KITLG: variants seen among roughly 807,000 people sequenced by gnomAD.
KITLG encodes c-Kit ligand.
In KITLG, 13 loss-of-function variants were observed where a neutral mutation model predicts 34.1. That is an observed-to-expected ratio of 0.38 (90% CI 0.25 to 0.61). The LOEUF is 0.61. Ranked by LOEUF, KITLG falls within the 20% of genes least tolerant of loss-of-function variation. The probability of loss-of-function intolerance (pLI) is 0.60; values close to 1 mark genes in which losing one functional copy is unlikely to be tolerated. For missense variants in KITLG, 292 were observed against 318.9 expected (o/e 0.92, Z 0.64); for synonymous variants, 110 against 104.0 (o/e 1.06, Z -0.35).
At chr12:88,538,179 G>T (rs1025018584) in intron 2 of KITLG, among the ~76,000 whole-genome samples, 2 of 152,094 alleles carry the variant, frequency 1.3e-5, no homozygotes, top group Admixed American at 6.6e-5. Flanking sequence ...AGGGTCTTAT[G>T]CAAAGGCAAA....
chr12:88,566,027 T>C (rs1295092641), intron 1 of KITLG, among the ~76,000 whole-genome samples: 2 of 152,246 alleles, frequency 1.3e-5, no homozygotes, highest in Non-Finnish European at 2.9e-5. Flanking sequence ...GCCTATTGTG[T>C]CATTTCCTTA....
intron 6 of KITLG, among the ~76,000 whole-genome samples, chr12:88,508,113 G>A (rs925688150): frequency 3.9e-5 from 6 of 151,960 alleles, no homozygotes; most frequent in African/African-American, 4.8e-5. Flanking sequence ...CATGAACCCG[G>A]GAGGCGGAAG....
At chr12:88,514,513 C>T (rs1226944474) in intron 6 of KITLG, among the ~76,000 whole-genome samples, 1 of 151,560 alleles carries the variant, frequency 6.6e-6, no homozygotes, top group Non-Finnish European at 1.5e-5. Context: ...AAGATTCTGT[C>T]CTGCACATAA....
rs1471317597 is a variant in KITLG, at chr12:88,506,200, G to A, written c.782+111C>T. ...GGATAGAGTTGGGACTCACTGGTTA[G>A]GAGCTACTGTCATGAGTGAAGGACT... On this transcript the variant is annotated intron_variant, in intron 8 of 9. Transcript: ENST00000644744. 11 of 780,156 alleles carry A rather than the reference G, an allele frequency of 1.4e-5. No individual in the cohort carries two copies. In the Admixed American group the frequency reaches 1.8e-4, roughly 13 times the overall value. 48.3% of individuals were successfully genotyped at this position (780,156 alleles called of 1,614,324 possible).
In KITLG at chr12:88,520,540, C is replaced by CT. The variant is rs372238309; in HGVS notation, c.193-1674dup. Among the ~76,000 whole-genome samples the CT allele has an allele frequency of 4.8e-3, 727 of 152,294 alleles. 7 individuals are homozygous for CT. The highest frequency in any genetic ancestry group is 0.017 in the African/African-American group (707 of 41,564). Reference sequence around the variant, plus strand: ...TTCCAGGTATTAATCTCTTAGGACTCTATTTCCTCACTTTATGAGTATGCT... The same window carrying CT: ...TTCCAGGTATTAATCTCTTAGGACTCTTATTTCCTCACTTTATGAGTATGCT... On this transcript the variant is annotated intron_variant, in intron 3 of 9. Transcript: ENST00000644744.
At chr12:88,567,760 C>T (rs1278494436) in intron 1 of KITLG, among the ~76,000 whole-genome samples, 1 of 152,142 alleles carries the variant, frequency 6.6e-6, no homozygotes, top group Non-Finnish European at 1.5e-5. Context: ...TCCTAATGCC[C>T]TTCTTATGCA....
intron 9 of KITLG, among the ~76,000 whole-genome samples, chr12:88,503,526 A>T (rs1392279174): frequency 6.6e-6 from 1 of 152,238 alleles, no homozygotes; most frequent in Non-Finnish European, 1.5e-5. Flanking sequence ...TGCTCTCAGG[A>T]TTCCATGCCA....
At chr12:88,529,305 T>C (rs2120872260) in intron 3 of KITLG, among the ~76,000 whole-genome samples, 1 of 152,246 alleles carries the variant, frequency 6.6e-6, no homozygotes, top group Non-Finnish European at 1.5e-5. Context: ...ACATTACCAG[T>C]AAATGTAAAA....
chr12:88,505,176 A>G lies in KITLG; in HGVS notation c.*20T>C. 1 of 1,580,232 alleles carries G rather than the reference A, an allele frequency of 6.3e-7. No homozygotes were observed. Among genetic ancestry groups the G allele is most frequent in the South Asian group, 1.1e-5 (1 of 89,998 alleles). On this transcript the variant is annotated 3_prime_UTR_variant, in exon 9 of 10. Transcript: ENST00000644744. ...AAACTTACCAATGTACGAAAGTAAC[A>G]GTGTTGATACAAGCCACAATTACAC...
intron 6 of KITLG, among the ~76,000 whole-genome samples, chr12:88,510,266 G>A (rs1192425419): frequency 6.6e-6 from 1 of 152,152 alleles, no homozygotes; most frequent in African/African-American, 2.4e-5. Context: ...ACAAGCAAAT[G>A]AGTATTCTTC....
Position 88,545,800 on chromosome 12 carries a change from C to T in KITLG, c.81G>A (p.Gly27=). Residue 27 remains glycine (G), a synonymous_variant, in exon 2 of 10, where the codon GGG becomes GGA. Coordinates refer to ENST00000644744, the MANE Select transcript of KITLG (RefSeq NM_000899.5). ...LLFNPLVKTE[G]ICRNRVTNNV... Reference sequence around the variant, plus strand: ...TATTAGTCACACGATTCCTGCAGATCCCTTCAGTTTTGACGAGAGGATTAA... The same window carrying T: ...TATTAGTCACACGATTCCTGCAGATTCCTTCAGTTTTGACGAGAGGATTAA... 13 of 1,612,240 alleles carry T rather than the reference C, an allele frequency of 8.1e-6. No individual in the cohort carries two copies. The highest frequency in any genetic ancestry group is 1.1e-5 in the Non-Finnish European group (13 of 1,178,410).
intron 7 of KITLG, 75 bp from the exon 8 acceptor site, chr12:88,506,453 A>G (rs898895124): frequency 3.9e-6 from 4 of 1,020,276 alleles, no homozygotes; most frequent in Non-Finnish European, 6.2e-6. Context: ...AGTGGACTCC[A>G]CTTTTATCTT....
chr12:88,536,421 G>C (rs1870319113), intron 2 of KITLG, among the ~76,000 whole-genome samples: 2 of 152,108 alleles, frequency 1.3e-5, no homozygotes, highest in African/African-American at 4.8e-5. Flanking sequence ...GTGGAAGATA[G>C]TGTAGCGATT....
chr12:88,527,091 A>G (rs1298159891), intron 3 of KITLG, among the ~76,000 whole-genome samples: 1 of 151,924 alleles, frequency 6.6e-6, no homozygotes, highest in East Asian at 1.9e-4. Context: ...GATGGTCTCG[A>G]TCTCCTGACC....
chr12:88,552,685 T>G (rs7309100), intron 1 of KITLG, among the ~76,000 whole-genome samples: 2 of 152,042 alleles, frequency 1.3e-5, no homozygotes, highest in Admixed American at 1.3e-4. Flanking sequence ...GCAGCTCAGC[T>G]TTTTTTGTTG....
chr12:88,570,537 CA>C (rs3057318), intron 1 of KITLG, among the ~76,000 whole-genome samples: 1 of 148,984 alleles, frequency 6.7e-6, no homozygotes, highest in Non-Finnish European at 1.5e-5. Flanking sequence ...ACAACAACAA[CA>C]AAAAAAAAAC....
intron 1 of KITLG, among the ~76,000 whole-genome samples, chr12:88,564,506 T>G (rs537073476): frequency 6.6e-6 from 1 of 152,334 alleles, no homozygotes; most frequent in African/African-American, 2.4e-5. Context: ...AAGATGTACT[T>G]CGGCTGCTGT....
chr12:88,568,853 G>A (rs1388593622), intron 1 of KITLG, among the ~76,000 whole-genome samples: 1 of 152,108 alleles, frequency 6.6e-6, no homozygotes, highest in Admixed American at 6.6e-5. Context: ...AGAGAAAAAA[G>A]AGTGAGGAAA....
At chr12:88,506,209 G>C in intron 8 of KITLG, 102 bp downstream of exon 8, 1 of 818,572 alleles carries the variant, frequency 1.2e-6, no homozygotes, top group Non-Finnish European at 2.2e-6. Context: ...AGGAGCTACT[G>C]TCATGAGTGA....
Sources: gnomAD v4.1 joint callset for allele counts (sites outside exome capture counted in the v4.1 genomes callset) on GRCh38, gnomAD v4.1.1 for gene constraint, MANE v1.5 for transcripts, NCBI Gene and HGNC (gene_info 2026-07-23, HGNC 2026-07-21) for gene names.